MAP2K4: variants seen among roughly 807,000 people sequenced by gnomAD.
The protein encoded by MAP2K4 is mitogen-activated protein kinase kinase 4, also known as dual specificity mitogen-activated protein kinase kinase 4.
MAP2K4 carries 4 observed loss-of-function variants against 48.5 expected under a neutral mutation model. That is an observed-to-expected ratio of 0.08 (90% CI 0.04 to 0.19). The LOEUF is 0.19. Among genes scored for constraint, MAP2K4 ranks in the 10% least tolerant of loss-of-function variants. MAP2K4 has a pLI of 1.00. For synonymous variants in MAP2K4, 166 were observed against 173.1 expected (o/e 0.96, Z 0.32); for missense variants, 258 against 493.3 (o/e 0.52, Z 4.52).
At chr17:12,115,788 G>A (rs752260579) in intron 7 of MAP2K4, 3 of 739,578 alleles carry the variant, frequency 4.1e-6, no homozygotes, top group East Asian at 5.3e-5. Flanking sequence ...CACATGGCAA[G>A]TTCCTGCTTC....
At chr17:12,134,048 C>T (rs774403942) in intron 9 of MAP2K4, among the ~76,000 whole-genome samples, 5 of 152,280 alleles carry the variant, frequency 3.3e-5, no homozygotes, top group Non-Finnish European at 7.4e-5. Context: ...GGTTAGAGGG[C>T]GGGAGCACAG....
At position 12,142,346 on chromosome 17, in the gene MAP2K4, G is replaced by A. The variant is rs1396857391; in HGVS notation, c.*1086G>A. 4.3e-6 allele frequency: 1 copy of A among 233,152 alleles called. No individual in the cohort carries two copies. The highest frequency in any genetic ancestry group is 5.6e-5 in the Admixed American group (1 of 17,766). 14.4% of individuals were successfully genotyped at this position (233,152 alleles called of 1,614,324 possible). A position where few individuals can be genotyped will look rare whatever the true frequency, so the allele number is the denominator to read the frequency against. ...TTGCTTCTTGCCATCACTGGTCCAG[G>A]TCTTCAGTTTCCGAATCTCTTTCCC... is the stretch of plus-strand genomic sequence containing the variant. On this transcript the variant is annotated 3_prime_UTR_variant, in exon 11 of 11. Coordinates refer to ENST00000353533, the MANE Select transcript of MAP2K4 (RefSeq NM_003010.4).
At chr17:12,123,375 CAGT>C (rs1972754696) in intron 7 of MAP2K4, among the ~76,000 whole-genome samples, 1 of 152,138 alleles carries the variant, frequency 6.6e-6, no homozygotes, top group Admixed American at 6.5e-5. Flanking sequence ...TCTGTAAGAA[CAGT>C]AGTAATGGCC....
At chr17:12,023,785 G>A (rs28918083) in intron 1 of MAP2K4, among the ~76,000 whole-genome samples, 5,210 of 152,210 alleles carry the variant, frequency 0.034, 125 homozygotes, top group Non-Finnish European at 0.052. Flanking sequence ...ATTCAGATAT[G>A]CGTTTTGTGA....
chr17:12,069,288 A>G (rs955300277), intron 2 of MAP2K4, among the ~76,000 whole-genome samples: 3 of 152,198 alleles, frequency 2.0e-5, no homozygotes, highest in Admixed American at 2.0e-4. Flanking sequence ...TCATGAAAAC[A>G]TGTAACCTAT....
At chr17:12,109,648 G>A (rs1287019279) in intron 5 of MAP2K4, among the ~76,000 whole-genome samples, 1 of 152,196 alleles carries the variant, frequency 6.6e-6, no homozygotes, top group Non-Finnish European at 1.5e-5. Flanking sequence ...GTTTACACTA[G>A]CTCTTCAAAC....
intron 4 of MAP2K4, among the ~76,000 whole-genome samples, chr17:12,097,133 A>G (rs1411417292): frequency 6.6e-6 from 1 of 152,166 alleles, no homozygotes; most frequent in Non-Finnish European, 1.5e-5. Context: ...ATCTTACCAT[A>G]TCTTCCTCCC....
chr17:12,130,740 T>C (rs1373204388), intron 9 of MAP2K4, among the ~76,000 whole-genome samples: 1 of 152,224 alleles, frequency 6.6e-6, no homozygotes, highest in East Asian at 1.9e-4. Flanking sequence ...TATGCTCATA[T>C]TAGCTCTCCA....
chr17:12,064,044 A>G lies in MAP2K4; in HGVS notation c.218+9053A>G, dbSNP rs9912197. Among the ~76,000 whole-genome samples the G allele has an allele frequency of 2.1e-3, 287 of 135,806 alleles. 1 individual carries two copies. Among genetic ancestry groups the G allele is most frequent in the African/African-American group, 6.9e-3 (260 of 37,600 alleles). 89.1% of individuals were successfully genotyped at this position (135,806 alleles called of 152,430 possible). A position where few individuals can be genotyped will look rare whatever the true frequency, so the allele number is the denominator to read the frequency against. ...GGGGAGAGAGAGAGAGAGAGAGAGA[A>G]AGAGACTAGAAGAAAACATTCACAA... On this transcript the variant is annotated intron_variant, in intron 2 of 10. Coordinates refer to ENST00000353533, the MANE Select transcript of MAP2K4 (RefSeq NM_003010.4).
intron 9 of MAP2K4, among the ~76,000 whole-genome samples, chr17:12,130,521 A>G (rs1026522490): frequency 6.6e-6 from 1 of 152,174 alleles, no homozygotes; most frequent in Non-Finnish European, 1.5e-5. Context: ...TGAACCTTCC[A>G]TCAGGGTTTC....
chr17:12,127,968 G>A (rs940736735), intron 8 of MAP2K4, among the ~76,000 whole-genome samples: 4 of 152,198 alleles, frequency 2.6e-5, no homozygotes, highest in African/African-American at 9.6e-5. Flanking sequence ...AATATGTTTG[G>A]AGCCTCATCC....
chr17:12,101,553 A>G (rs1971936512), intron 4 of MAP2K4, among the ~76,000 whole-genome samples: 1 of 152,116 alleles, frequency 6.6e-6, no homozygotes, highest in South Asian at 2.1e-4. Flanking sequence ...AAAAAAACCA[A>G]CAACAAAAAA....
chr17:12,044,678 C>T (rs1051440566), intron 1 of MAP2K4, among the ~76,000 whole-genome samples: 2 of 152,168 alleles, frequency 1.3e-5, no homozygotes, highest in Non-Finnish European at 2.9e-5. Flanking sequence ...AGCTGGGTGT[C>T]CTCCAGTTCA....
chr17:12,078,555 T>C (rs1317372377), intron 2 of MAP2K4, among the ~76,000 whole-genome samples: 1 of 152,172 alleles, frequency 6.6e-6, no homozygotes, highest in Non-Finnish European at 1.5e-5. Flanking sequence ...TGATAAAATA[T>C]AGTCCCCATT....
At chr17:12,103,285 C>T (rs542299742) in intron 4 of MAP2K4, among the ~76,000 whole-genome samples, 1 of 151,722 alleles carries the variant, frequency 6.6e-6, no homozygotes, top group Admixed American at 6.6e-5. Flanking sequence ...GGCCTCAAGC[C>T]ATCCTCCCAC....
intron 1 of MAP2K4, among the ~76,000 whole-genome samples, chr17:12,042,188 AAAG>A (rs1481427297): frequency 1.3e-4 from 20 of 148,362 alleles, no homozygotes; most frequent in African/African-American, 5.2e-4. Flanking sequence ...AAAAAAAAAA[AAAG>A]GTACCATGTA....
chr17:12,133,881 G>A (rs1973120362), intron 9 of MAP2K4, among the ~76,000 whole-genome samples: 1 of 152,200 alleles, frequency 6.6e-6, no homozygotes, highest in South Asian at 2.1e-4. Context: ...AGTAAAGCTC[G>A]ATCCTGAAAT....
At chr17:12,123,451 A>T (rs2151586003) in intron 7 of MAP2K4, among the ~76,000 whole-genome samples, 1 of 152,244 alleles carries the variant, frequency 6.6e-6, no homozygotes, top group East Asian at 1.9e-4. Context: ...GTCTAGCCAA[A>T]GGTGTGTCCA....
At chr17:12,103,419 G>C (rs183542261) in intron 4 of MAP2K4, among the ~76,000 whole-genome samples, 7 of 151,932 alleles carry the variant, frequency 4.6e-5, no homozygotes, top group Non-Finnish European at 1.0e-4. Context: ...CGTTCTGATT[G>C]TGGTTTCTTC....
Sources: gnomAD v4.1 joint callset for allele counts (sites outside exome capture counted in the v4.1 genomes callset) on GRCh38, gnomAD v4.1.1 for gene constraint, MANE v1.5 for transcripts, NCBI Gene and HGNC (gene_info 2026-07-23, HGNC 2026-07-21) for gene names.